MAN1A1: variants seen among roughly 807,000 people sequenced by gnomAD.
MAN1A1 encodes mannosidase alpha class 1A member 1.
Under a neutral mutation model 70.8 loss-of-function variants are expected in MAN1A1, and 29 were observed. The ratio of observed to expected loss-of-function variants is 0.41; its 90% confidence interval spans 0.31 to 0.56. The LOEUF is 0.56. MAN1A1 is among the 20% of genes least tolerant of loss of function. MAN1A1 has a pLI of 0.29. For missense variants in MAN1A1, 747 were observed against 841.3 expected (o/e 0.89, Z 1.39); for synonymous variants, 349 against 330.1 (o/e 1.06, Z -0.62).
intron 6 of MAN1A1, among the ~76,000 whole-genome samples, chr6:119,245,498 C>A (rs930352528): frequency 3.9e-5 from 6 of 152,072 alleles, no homozygotes; most frequent in African/African-American, 1.4e-4. Context: ...TCGCTTCTTG[C>A]CCTACAGGAA....
intron 5 of MAN1A1, among the ~76,000 whole-genome samples, chr6:119,272,761 A>G (rs1439547859): frequency 6.6e-6 from 1 of 152,192 alleles, no homozygotes; most frequent in Non-Finnish European, 1.5e-5. Flanking sequence ...TTTTCAACGG[A>G]GAAATCTTGT....
At chr6:119,209,440 T>C (rs140241820) in intron 6 of MAN1A1, among the ~76,000 whole-genome samples, 32 of 152,320 alleles carry the variant, frequency 2.1e-4, no homozygotes, top group African/African-American at 7.2e-4. Flanking sequence ...CTTGGGGTTA[T>C]ACAGTTATCA....
intron 5 of MAN1A1, among the ~76,000 whole-genome samples, chr6:119,288,176 T>C (rs1776429617): frequency 6.6e-6 from 1 of 151,938 alleles, no homozygotes; most frequent in Non-Finnish European, 1.5e-5. Flanking sequence ...TTCTCCTGCT[T>C]TTGCATACAA....
chr6:119,308,792 C>T (rs1772601770), intron 2 of MAN1A1, among the ~76,000 whole-genome samples: 1 of 151,984 alleles, frequency 6.6e-6, no homozygotes, highest in Admixed American at 6.6e-5. Context: ...ATTCTTCATT[C>T]CTGTAAATTT....
chr6:119,231,373 C>T (rs1008177098), intron 6 of MAN1A1, among the ~76,000 whole-genome samples: 1 of 152,178 alleles, frequency 6.6e-6, no homozygotes, highest in Non-Finnish European at 1.5e-5. Context: ...TCACTCCGTC[C>T]TGCCGCCCTG....
chr6:119,336,684 C>T lies in MAN1A1; in HGVS notation c.603+11779G>A, dbSNP rs1773461190. ...AATATCACACCTTCTTAGGGAGGAA[C>T]ATGTTTATGTAATTCTGATTTCTCT... On this transcript the variant is annotated intron_variant, in intron 2 of 12. Coordinates refer to ENST00000368468, the MANE Select transcript of MAN1A1 (RefSeq NM_005907.4). 3.3e-5 allele frequency among the ~76,000 whole-genome samples: 5 copies of T among 152,270 alleles called. 1 individual carries two copies. In the South Asian group the frequency reaches 1.0e-3, roughly 32 times the overall value.
chr6:119,313,774 C>T (rs2114463171), intron 2 of MAN1A1, among the ~76,000 whole-genome samples: 1 of 152,072 alleles, frequency 6.6e-6, no homozygotes, highest in Admixed American at 6.6e-5. Context: ...GTTCTGAGTC[C>T]ACTGTCTGCT....
At chr6:119,248,011 T>C (rs1311232142) in intron 6 of MAN1A1, among the ~76,000 whole-genome samples, 2 of 152,160 alleles carry the variant, frequency 1.3e-5, no homozygotes, top group African/African-American at 4.8e-5. Context: ...TGAAACAGTG[T>C]AAACCTCCAA....
At chr6:119,340,560 C>A (rs1773570394) in intron 2 of MAN1A1, among the ~76,000 whole-genome samples, 1 of 152,180 alleles carries the variant, frequency 6.6e-6, no homozygotes, top group African/African-American at 2.4e-5. Context: ...CATTCACAGG[C>A]CTTCGGACAC....
intron 4 of MAN1A1, 121 bp downstream of exon 4, chr6:119,301,867 C>G (rs6420707): frequency 0.37 from 220,132 of 595,226 alleles, 43,097 homozygotes; most frequent in Non-Finnish European, 0.41. Context: ...AGTATTTGTA[C>G]TACCTAAAGT....
chr6:119,256,278 T>G (rs1015302134), intron 5 of MAN1A1, among the ~76,000 whole-genome samples: 2 of 152,224 alleles, frequency 1.3e-5, no homozygotes, highest in Non-Finnish European at 2.9e-5. Context: ...AATAGGCACT[T>G]TAGATTTATC....
intron 2 of MAN1A1, among the ~76,000 whole-genome samples, chr6:119,322,780 T>C (rs1403117290): frequency 6.6e-6 from 1 of 152,208 alleles, no homozygotes; most frequent in African/African-American, 2.4e-5. Context: ...GTCTTCAGCA[T>C]AAGGCTCTGA....
intron 6 of MAN1A1, among the ~76,000 whole-genome samples, chr6:119,215,354 G>A (rs952970616): frequency 6.6e-6 from 1 of 152,150 alleles, no homozygotes; most frequent in Non-Finnish European, 1.5e-5. Context: ...TGAGGTAAAT[G>A]GCAAAGGATA....
intron 4 of MAN1A1, among the ~76,000 whole-genome samples, chr6:119,294,580 T>C (rs992015317): frequency 6.6e-6 from 1 of 152,132 alleles, no homozygotes; most frequent in Non-Finnish European, 1.5e-5. Context: ...CTTACATCAG[T>C]GGCAGTTTAA....
intron 3 of MAN1A1, among the ~76,000 whole-genome samples, chr6:119,303,524 C>T (rs1772450382): frequency 6.6e-6 from 1 of 152,188 alleles, no homozygotes; most frequent in South Asian, 2.1e-4. Context: ...AAAATATCCC[C>T]TTGAAACATG....
At chr6:119,274,267 T>C (rs1439260052) in intron 5 of MAN1A1, among the ~76,000 whole-genome samples, 4 of 152,238 alleles carry the variant, frequency 2.6e-5, no homozygotes, top group Admixed American at 2.6e-4. Context: ...ACAATAAATC[T>C]GAGCAATCCT....
At chr6:119,251,796 A>T (rs1159975706) in intron 5 of MAN1A1, among the ~76,000 whole-genome samples, 1 of 152,224 alleles carries the variant, frequency 6.6e-6, no homozygotes, top group African/African-American at 2.4e-5. Flanking sequence ...CAGGGCTCCT[A>T]TGAGTAGTAG....
intron 3 of MAN1A1, among the ~76,000 whole-genome samples, chr6:119,303,308 T>G (rs1772444150): frequency 6.6e-6 from 1 of 152,188 alleles, no homozygotes; most frequent in Admixed American, 6.5e-5. Flanking sequence ...TCATGAGGCA[T>G]GCACTTAGCC....
chr6:119,266,139 T>C (rs1775747299), intron 5 of MAN1A1, among the ~76,000 whole-genome samples: 1 of 152,182 alleles, frequency 6.6e-6, no homozygotes, highest in Non-Finnish European at 1.5e-5. Flanking sequence ...ATTCCATGTT[T>C]ATAGATAGAA....
Sources: gnomAD v4.1 joint callset for allele counts (sites outside exome capture counted in the v4.1 genomes callset) on GRCh38, gnomAD v4.1.1 for gene constraint, MANE v1.5 for transcripts, NCBI Gene and HGNC (gene_info 2026-07-23, HGNC 2026-07-21) for gene names.